The following SHROOM3 variants were observed in gnomAD, a reference collection of about 807,000 sequenced individuals.
The protein encoded by SHROOM3 is protein Shroom3.
SHROOM3 carries 47 observed loss-of-function variants against 138.6 expected under a neutral mutation model. The ratio of observed to expected loss-of-function variants is 0.34; its 90% CI spans 0.27 to 0.43. SHROOM3 has a LOEUF of 0.43. SHROOM3 is among the 20% of genes least tolerant of loss of function. SHROOM3 has a pLI of 1.00. For synonymous variants in SHROOM3, 1,062 were observed against 1,063.3 expected (o/e 1.00, Z 0.02); for missense variants, 2,491 against 2,596.5 (o/e 0.96, Z 0.88).
intron 1 of SHROOM3, among the ~76,000 whole-genome samples, chr4:76,505,309 C>T (rs1439770736): frequency 6.6e-6 from 1 of 152,188 alleles, no homozygotes; most frequent in Non-Finnish European, 1.5e-5. Context: ...AGGAAATTCC[C>T]TTCCATTCCT....
chr4:76,736,562 A>T (rs530228283), intron 4 of SHROOM3, among the ~76,000 whole-genome samples: 1 of 152,316 alleles, frequency 6.6e-6, no homozygotes, highest in South Asian at 2.1e-4. Context: ...CACTACATTT[A>T]TTTACATGTA....
At chr4:76,731,591 G>A (rs1720884873) in intron 4 of SHROOM3, among the ~76,000 whole-genome samples, 1 of 152,090 alleles carries the variant, frequency 6.6e-6, no homozygotes, top group African/African-American at 2.4e-5. Context: ...GACCAGCCTG[G>A]CCAACACGGT....
chr4:76,757,696 T>C (rs1721865649), intron 8 of SHROOM3, among the ~76,000 whole-genome samples: 1 of 152,240 alleles, frequency 6.6e-6, no homozygotes, highest in Non-Finnish European at 1.5e-5. Flanking sequence ...GAGCCTCTGC[T>C]TCTGAAGCTC....
In SHROOM3 at chr4:76,555,634, C is replaced by A; in HGVS notation, c.194C>A (p.Thr65Asn). Reference sequence around the variant, plus strand: ...GTCGAAGAAGGGGGCAAAGCAGACACCCTGAGCTCCAAACTGCAGGCTGGG... The same window carrying A: ...GTCGAAGAAGGGGGCAAAGCAGACAACCTGAGCTCCAAACTGCAGGCTGGG... ...SKVEEGGKADTLSSKLQAGDE... is the reference protein window; with the variant it reads ...SKVEEGGKADNLSSKLQAGDE... Residue 65 changes from threonine to asparagine, a missense_variant, in exon 2 of 11, where the codon ACC becomes AAC. By Grantham distance (65) the Thr-to-Asn change is moderately conservative. Transcript: ENST00000296043. 1 of 1,613,904 alleles carries A rather than the reference C, an allele frequency of 6.2e-7. No individual in the cohort carries two copies. The highest frequency in any genetic ancestry group is 1.1e-5 in the South Asian group (1 of 91,054).
In SHROOM3 at chr4:76,530,205, C is replaced by A. The variant is rs74514076; in HGVS notation, c.169-25404C>A. On this transcript the variant is annotated intron_variant, in intron 1 of 10. Coordinates refer to ENST00000296043, the MANE Select transcript of SHROOM3 (RefSeq NM_020859.4). ...AAACGCATTTAGGAATAAATGACTA[C>A]TGTTTCTGCTGTTTCGGCAATGGGT... 2.3e-4 allele frequency among the ~76,000 whole-genome samples: 35 copies of A among 152,302 alleles called. No individual in the cohort carries two copies. In the East Asian group the frequency reaches 6.8e-3, roughly 29 times the overall value.
intron 4 of SHROOM3, among the ~76,000 whole-genome samples, chr4:76,736,882 G>C (rs915566341): frequency 1.3e-5 from 2 of 152,098 alleles, no homozygotes; most frequent in Non-Finnish European, 2.9e-5. Context: ...ACCCCCACCA[G>C]AGTAGTACAT....
chr4:76,532,532 G>A (rs1052519483), intron 1 of SHROOM3, among the ~76,000 whole-genome samples: 9 of 152,086 alleles, frequency 5.9e-5, no homozygotes, highest in African/African-American at 1.4e-4. Context: ...GGACAGTACC[G>A]AATCCAATTG....
intron 1 of SHROOM3, 67 bp from the exon 2 acceptor site, chr4:76,555,542 A>T: frequency 6.2e-7 from 1 of 1,607,636 alleles, no homozygotes; most frequent in Non-Finnish European, 8.5e-7. Context: ...TGGGCTCGGG[A>T]TAGCCGGACA....
chr4:76,606,862 CT>C, intron 2 of SHROOM3, among the ~76,000 whole-genome samples: 1 of 152,182 alleles, frequency 6.6e-6, no homozygotes, highest in African/African-American at 2.4e-5. Flanking sequence ...CCAAAAAATG[CT>C]GTAGCAGCTT....
intron 9 of SHROOM3, among the ~76,000 whole-genome samples, chr4:76,764,777 G>A (rs760726066): frequency 5.9e-5 from 9 of 152,018 alleles, no homozygotes; most frequent in Non-Finnish European, 1.3e-4. Context: ...ACTCTCTTTC[G>A]TCTTTAGCAT....
At chr4:76,544,326 G>A (rs753862632) in intron 1 of SHROOM3, among the ~76,000 whole-genome samples, 2 of 150,116 alleles carry the variant, frequency 1.3e-5, no homozygotes, top group Non-Finnish European at 3.0e-5. Flanking sequence ...GCAACCACGT[G>A]CTAATTCTCA....
rs116460442 is a variant in SHROOM3, at chr4:76,596,673, C to A, written c.323+40910C>A. 2.2e-3 allele frequency among the ~76,000 whole-genome samples: 328 copies of A among 151,634 alleles called. 2 individuals carry two copies. Among genetic ancestry groups the A allele is most frequent in the African/African-American group, 7.5e-3 (308 of 41,332 alleles). ...CCAAGGAAGAACCTGACAATAATTT[C>A]CAGTCCCTGAGGCCATCTCCATCCC... On this transcript the variant is annotated intron_variant, in intron 2 of 10. Transcript: ENST00000296043.
intron 3 of SHROOM3, among the ~76,000 whole-genome samples, chr4:76,727,163 T>A (rs1485951231): frequency 6.6e-6 from 1 of 152,200 alleles, no homozygotes; most frequent in African/African-American, 2.4e-5. Flanking sequence ...CTAATGTATT[T>A]TGGGCCCACT....
At chr4:76,503,807 G>C (rs767103306) in intron 1 of SHROOM3, among the ~76,000 whole-genome samples, 1 of 152,106 alleles carries the variant, frequency 6.6e-6, no homozygotes, top group Admixed American at 6.5e-5. Flanking sequence ...GAAGGCATTT[G>C]GTAGATATCC....
At chr4:76,672,066 A>G (rs1231517894) in intron 2 of SHROOM3, among the ~76,000 whole-genome samples, 1 of 152,144 alleles carries the variant, frequency 6.6e-6, no homozygotes, top group Non-Finnish European at 1.5e-5. Flanking sequence ...CCCACATTTA[A>G]GGGAAAGAGT....
Position 76,436,201 on chromosome 4 carries a change from A to G in SHROOM3, c.149A>G (p.Glu50Gly). 6.2e-7 allele frequency: 1 copy of G among 1,614,068 alleles called. No individual in the cohort carries two copies. Among genetic ancestry groups the G allele is most frequent in the Non-Finnish European group, 8.5e-7 (1 of 1,179,918 alleles). ...CTAAAGGGTGGCCTGGAGCACGGAG[A>G]ACCATTAATCATCTCTAAGGTATGT... ...FTLKGGLEHG[E>G]PLIISKVEEG... Residue 50 changes from glutamate to glycine, a missense_variant, in exon 1 of 11, where the codon GAA becomes GGA. By Grantham distance (98) the Glu-to-Gly change is moderately conservative. This residue lies in a region of SHROOM3 where 284 missense variants were observed against 322.8 expected (regional missense o/e 0.88). Transcript: ENST00000296043.
intron 3 of SHROOM3, among the ~76,000 whole-genome samples, chr4:76,718,423 C>T (rs1720442660): frequency 6.6e-6 from 1 of 152,140 alleles, no homozygotes; most frequent in Admixed American, 6.5e-5. Flanking sequence ...GCCTTAAAAC[C>T]TTCACTATTC....
Position 76,779,083 on chromosome 4 carries a change from C to A in SHROOM3, c.5897C>A (p.Ala1966Asp). 1 of 1,614,208 alleles carries A rather than the reference C, an allele frequency of 6.2e-7. No individual in the cohort carries two copies. The highest frequency in any genetic ancestry group is 2.2e-5 in the East Asian group (1 of 44,882). The change falls in exon 11 of 11, where the codon GCC (alanine) becomes GAC (aspartate). Residue 1966 changes from alanine to aspartate, a missense_variant. Around this residue, in one of 4 missense-constraint regions of SHROOM3, gnomAD observed 470 missense variants for 595.0 expected, o/e 0.79. Transcript: ENST00000296043. ...LPSDFIPKAG[A>D]LALPPNLTSE... ...TCAGATTTCATTCCCAAGGCTGGGG[C>A]CCTGGCTCTGCCCCCAAACCTCACG...
intron 1 of SHROOM3, among the ~76,000 whole-genome samples, chr4:76,491,449 C>G (rs1218006310): frequency 6.6e-6 from 1 of 152,218 alleles, no homozygotes; most frequent in African/African-American, 2.4e-5. Context: ...TGGATGCTTG[C>G]TTTCCTAGAC....
Sources: allele counts gnomAD v4.1 joint callset (sites outside exome capture counted in the v4.1 genomes callset), GRCh38; gene constraint gnomAD v4.1.1; regional missense constraint gnomAD v4.1.1; transcripts MANE v1.5; gene names NCBI Gene and HGNC (gene_info 2026-07-23, HGNC 2026-07-21).